AFG1L: variants seen among roughly 807,000 people sequenced by gnomAD.
AFG1L encodes the protein AFG1 like ATPase, also known as AFG1-like ATPase.
Under a neutral mutation model 62.2 loss-of-function variants are expected in AFG1L, and 53 were observed. The ratio of observed to expected loss-of-function variants is 0.85; its 90% CI spans 0.68 to 1.07. AFG1L has a LOEUF of 1.07. Ranked by LOEUF, AFG1L falls within the 50% of genes least tolerant of loss-of-function variation. The pLI is 0.00. For synonymous variants in AFG1L, 228 were observed against 210.3 expected, an observed-to-expected ratio of 1.08 and a Z score of -0.73; for missense variants, 555 against 590.5, an observed-to-expected ratio of 0.94 and a Z score of 0.62.
intron 8 of AFG1L, among the ~76,000 whole-genome samples, chr6:108,452,253 T>C (rs1477908048): frequency 6.6e-6 from 1 of 152,194 alleles, no homozygotes; most frequent in Non-Finnish European, 1.5e-5. Flanking sequence ...GGTTATTATT[T>C]TATATATGCA....
At chr6:108,332,929 T>C (rs1180490551) in intron 2 of AFG1L, among the ~76,000 whole-genome samples, 1 of 152,046 alleles carries the variant, frequency 6.6e-6, no homozygotes, top group East Asian at 1.9e-4. Context: ...ATACAAGATA[T>C]GAAAGTCCAA....
At chr6:108,416,276 A>T (rs1490939465) in intron 7 of AFG1L, among the ~76,000 whole-genome samples, 2 of 152,226 alleles carry the variant, frequency 1.3e-5, no homozygotes, top group Admixed American at 6.5e-5. Context: ...AGGAAACAAC[A>T]GGTGCTGGAG....
chr6:108,352,579 T>C (rs903600163), intron 3 of AFG1L, among the ~76,000 whole-genome samples: 3 of 152,212 alleles, frequency 2.0e-5, no homozygotes, highest in African/African-American at 4.8e-5. Context: ...TATTATTATT[T>C]TGAAGCAGGG....
intron 10 of AFG1L, among the ~76,000 whole-genome samples, chr6:108,508,004 G>A (rs1428257153): frequency 8.5e-5 from 13 of 152,172 alleles, no homozygotes; most frequent in African/African-American, 3.1e-4. Flanking sequence ...AAAAATAAAA[G>A]TAGCCAAGAT....
chr6:108,400,582 TATA>T (rs1781525148), intron 6 of AFG1L, among the ~76,000 whole-genome samples: 1 of 137,080 alleles, frequency 7.3e-6, no homozygotes, highest in Non-Finnish European at 1.5e-5. Flanking sequence ...TATTTATTAT[TATA>T]ATATATAATT....
rs199918057 is a variant in AFG1L at position 108,477,262 on chromosome 6, C to T, written c.1032C>T (p.Ala344=). ...LRLNKACGTV[A]DCTFEELCER... The stretch of plus-strand genomic sequence containing the variant: ...TGAATAAAGCCTGTGGAACCGTTGC[C>T]GACTGCACATTTGAAGAGCTGTGTG... The change falls in exon 10 of 13, where the codon GCC becomes GCT. Residue 344 remains alanine (A), a synonymous_variant. Coordinates refer to ENST00000368977, the MANE Select transcript of AFG1L (RefSeq NM_145315.5). 45 of 1,608,830 alleles carry T rather than the reference C, an allele frequency of 2.8e-5. No individual in the cohort carries two copies. Among genetic ancestry groups the T allele is most frequent in the African/African-American group, 5.3e-5 (4 of 74,876 alleles).
chr6:108,360,196 C>T (rs573122687), intron 5 of AFG1L, among the ~76,000 whole-genome samples: 59 of 152,260 alleles, frequency 3.9e-4, no homozygotes, highest in Non-Finnish European at 5.7e-4. Flanking sequence ...GTGTCATTTT[C>T]CTTGCTCAAA....
Position 108,525,695 on chromosome 6 carries a change from C to T in AFG1L, c.*3270C>T, listed in dbSNP as rs1775294728. 1.3e-5 allele frequency: 2 copies of T among 152,146 alleles called. No homozygotes were observed. The highest frequency in any genetic ancestry group is 4.1e-4 in the South Asian group (2 of 4,830). The allele number at this position is 152,146 out of a possible 1,614,324, so 9.4% of individuals were successfully genotyped here. ...GGTGCCATTATAATCATTTTATAGA[C>T]AGGGAAGCTGAGACACAGAAAACAG... On this transcript the variant is annotated 3_prime_UTR_variant, in exon 13 of 13. Coordinates refer to ENST00000368977, the MANE Select transcript of AFG1L (RefSeq NM_145315.5).
At position 108,519,777 on chromosome 6, in the gene AFG1L, C is replaced by A. The variant is rs1210749775; in HGVS notation, c.1284C>A (p.Ser428Arg). The stretch of plus-strand genomic sequence containing the variant: ...ATCATGACAGTGAGTTGGAGCAAAG[C>A]AGAATACTGATGGATGATTTGGGGC... ...HQHHDSELEQ[S>R]RILMDDLGLS... The change falls in exon 12 of 13, where the codon AGC (serine) becomes AGA (arginine). Residue 428 changes from serine to arginine, a missense_variant. Ser to Arg is a moderately radical substitution (Grantham distance 110). Coordinates refer to ENST00000368977, the MANE Select transcript of AFG1L (RefSeq NM_145315.5). The A allele has an allele frequency of 1.2e-6, 2 of 1,612,766 alleles. No homozygotes were observed. The highest frequency in any genetic ancestry group is 1.7e-6 in the Non-Finnish European group (2 of 1,179,372).
chr6:108,439,480 T>C (rs1205399768), intron 7 of AFG1L, among the ~76,000 whole-genome samples: 1 of 152,182 alleles, frequency 6.6e-6, no homozygotes, highest in Non-Finnish European at 1.5e-5. Context: ...GATGGAAGAA[T>C]CTCACAGACG....
In AFG1L at chr6:108,330,348, G is replaced by A. The variant is rs1374416505; in HGVS notation, c.363+6300G>A. Among the ~76,000 whole-genome samples, 5 of 151,992 alleles carry A rather than the reference G, an allele frequency of 3.3e-5. No homozygotes were observed. The East Asian group carries it at 7.7e-4, about 24-fold the overall frequency. On this transcript the variant is annotated intron_variant, in intron 2 of 12. Transcript: ENST00000368977. ...ATGCCACCACGCCCAGCTAAGTTTTGTATTTTTAGTAGAGACCAGGTTTCA... is the reference window on the plus strand; with the variant it reads ...ATGCCACCACGCCCAGCTAAGTTTTATATTTTTAGTAGAGACCAGGTTTCA...
At position 108,525,268 on chromosome 6, in the gene AFG1L, T is replaced by C. The variant is rs919138337; in HGVS notation, c.*2843T>C. The C allele has an allele frequency of 8.5e-5, 13 of 152,238 alleles. No individual in the cohort carries two copies. The highest frequency in any genetic ancestry group is 2.9e-4 in the African/African-American group (12 of 41,464). 9.4% of individuals were successfully genotyped at this position (152,238 alleles called of 1,614,324 possible). A position where few individuals can be genotyped will look rare whatever the true frequency, so the allele number is the denominator to read the frequency against. ...AAAAGAAAAATCTTATCACTTCTCA[T>C]ATTTCTTTAGGCAGTGTATGAGCTT... On this transcript the variant is annotated 3_prime_UTR_variant, in exon 13 of 13. Coordinates refer to ENST00000368977, the MANE Select transcript of AFG1L (RefSeq NM_145315.5).
At chr6:108,435,376 A>G (rs1771260603) in intron 7 of AFG1L, among the ~76,000 whole-genome samples, 1 of 152,186 alleles carries the variant, frequency 6.6e-6, no homozygotes, top group South Asian at 2.1e-4. Context: ...ATGTCAAGGT[A>G]GCACCTGAGT....
intron 7 of AFG1L, among the ~76,000 whole-genome samples, chr6:108,431,964 C>G (rs1406447773): frequency 6.6e-6 from 1 of 150,682 alleles, no homozygotes; most frequent in Non-Finnish European, 1.5e-5. Context: ...CAGACACTGA[C>G]AGGGAGACCC....
intron 6 of AFG1L, among the ~76,000 whole-genome samples, chr6:108,384,106 A>C (rs1780661804): frequency 6.6e-6 from 1 of 151,834 alleles, no homozygotes; most frequent in Admixed American, 6.6e-5. Flanking sequence ...GAGGAAAGAC[A>C]ACACTTGGAA....
In AFG1L at chr6:108,369,943, GCTGGCTATCTAT is replaced by G. The variant is rs1179354746; in HGVS notation, c.748+3614_748+3625del. 1.0e-2 allele frequency among the ~76,000 whole-genome samples: 622 copies of G among 62,472 alleles called. 3 individuals are homozygous for G. The highest frequency in any genetic ancestry group is 0.03 in the African/African-American group (583 of 19,544). 41.0% of individuals were successfully genotyped at this position (62,472 alleles called of 152,430 possible). A position where few individuals can be genotyped will look rare whatever the true frequency, so the allele number is the denominator to read the frequency against. ...ATCTGGCTGGCTGGCTGGCTGGCTG[GCTGGCTATCTAT>G]CTATCTATCTATCTATCTATCTATC... is the stretch of plus-strand genomic sequence containing the variant. On this transcript the variant is annotated intron_variant, in intron 6 of 12. Transcript: ENST00000368977.
intron 10 of AFG1L, among the ~76,000 whole-genome samples, chr6:108,505,255 G>A (rs979702892): frequency 2.0e-5 from 3 of 152,132 alleles, no homozygotes; most frequent in Non-Finnish European, 2.9e-5. Flanking sequence ...CGCCGCACCC[G>A]GCTAATTTTT....
At chr6:108,425,124 CTT>C (rs1051912307) in intron 7 of AFG1L, among the ~76,000 whole-genome samples, 1 of 152,064 alleles carries the variant, frequency 6.6e-6, no homozygotes, top group African/African-American at 2.4e-5. Flanking sequence ...TGTAGAAACT[CTT>C]TTTGAGGGTG....
chr6:108,385,675 T>G (rs1255990740), intron 6 of AFG1L, among the ~76,000 whole-genome samples: 1 of 152,054 alleles, frequency 6.6e-6, no homozygotes. Context: ...TGGGTTAGGG[T>G]CTCCACAAGC....
Sources: gnomAD v4.1 joint callset for allele counts (sites outside exome capture counted in the v4.1 genomes callset) on GRCh38, gnomAD v4.1.1 for gene constraint, MANE v1.5 for transcripts, NCBI Gene and HGNC (gene_info 2026-07-23, HGNC 2026-07-21) for gene names.